Variants in CEP128 observed in about 807,000 individuals in gnomAD.
The protein encoded by CEP128 is centrosomal protein 128.
Under a neutral mutation model 156.7 loss-of-function variants are expected in CEP128, and 132 were observed. The ratio of observed to expected loss-of-function variants is 0.84; its 90% CI spans 0.73 to 0.97. CEP128 has a LOEUF of 0.97. CEP128 is among the 50% of genes least tolerant of loss of function. The pLI, the probability that CEP128 is intolerant of heterozygous loss-of-function variation, is 0.00. For missense variants in CEP128, 1,252 were observed against 1,281.9 expected, an observed-to-expected ratio of 0.98 and a Z score of 0.36; for synonymous variants, 469 against 448.9, an observed-to-expected ratio of 1.04 and a Z score of -0.57.
At chr14:80,890,449 T>A (rs1359746637) in intron 8 of CEP128, among the ~76,000 whole-genome samples, 1 of 152,020 alleles carries the variant, frequency 6.6e-6, no homozygotes, top group African/African-American at 2.4e-5. Flanking sequence ...TCCAGTCATT[T>A]AAAAAAATGA....
intron 19 of CEP128, among the ~76,000 whole-genome samples, chr14:80,725,694 T>C (rs541680744): frequency 2.6e-5 from 4 of 152,280 alleles, no homozygotes; most frequent in East Asian, 1.9e-4. Context: ...TTAGAGAAGA[T>C]TGTAATTCAC....
intron 19 of CEP128, among the ~76,000 whole-genome samples, chr14:80,589,691 G>C (rs1379776640): frequency 1.3e-5 from 2 of 152,072 alleles, no homozygotes; most frequent in East Asian, 1.9e-4. Flanking sequence ...AACCTATAAA[G>C]TTTAGTCATC....
intron 10 of CEP128, among the ~76,000 whole-genome samples, chr14:80,839,025 G>A (rs534906945): frequency 1.3e-5 from 2 of 152,266 alleles, no homozygotes; most frequent in East Asian, 1.9e-4. Context: ...CGTGAACCTG[G>A]GAGGCAGAGC....
intron 19 of CEP128, among the ~76,000 whole-genome samples, chr14:80,600,955 T>C (rs867655163): frequency 2.6e-5 from 4 of 151,914 alleles, no homozygotes; most frequent in South Asian, 4.1e-4. Context: ...TAGAATTTTA[T>C]ACATGAAGAA....
chr14:80,489,832 C>T (rs1381517688), downstream of CEP128, among the ~76,000 whole-genome samples: 2 of 151,578 alleles, frequency 1.3e-5, no homozygotes, highest in Non-Finnish European at 2.9e-5. Context: ...CTTACCACCT[C>T]CTGACCAGGG....
intron 19 of CEP128, among the ~76,000 whole-genome samples, chr14:80,598,475 CAT>C (rs1892436966): frequency 6.6e-6 from 1 of 152,026 alleles, no homozygotes; most frequent in Non-Finnish European, 1.5e-5. Flanking sequence ...TTAAAGGAGA[CAT>C]AAACAAATTA....
chr14:80,806,238 C>T (rs12588767), intron 13 of CEP128, among the ~76,000 whole-genome samples: 3,161 of 152,204 alleles, frequency 0.021, 40 homozygotes, highest in Middle Eastern at 0.062. Flanking sequence ...CTTCATACAA[C>T]CTCTTTGTAC....
intron 21 of CEP128, among the ~76,000 whole-genome samples, chr14:80,544,163 T>C (rs987731575): frequency 6.6e-6 from 1 of 152,218 alleles, no homozygotes; most frequent in African/African-American, 2.4e-5. Flanking sequence ...TTTGGGTTTC[T>C]GAATGAAAAT....
At chr14:80,694,894 T>C (rs187724436) in intron 19 of CEP128, among the ~76,000 whole-genome samples, 84 of 151,310 alleles carry the variant, frequency 5.6e-4, no homozygotes, top group Middle Eastern at 3.4e-3. Context: ...TCTGCACATG[T>C]ATCCCAGAAC....
At chr14:80,911,664 A>T (rs1222250682) in intron 4 of CEP128, among the ~76,000 whole-genome samples, 3 of 152,218 alleles carry the variant, frequency 2.0e-5, no homozygotes. Flanking sequence ...TAACTTTCTT[A>T]CATGTTTTAT....
At position 80,913,187 on chromosome 14, in the gene CEP128, A is replaced by C. The variant is rs8022471; in HGVS notation, c.234+1135T>G. On this transcript the variant is annotated intron_variant, in intron 4 of 24. Coordinates refer to ENST00000555265, the MANE Select transcript of CEP128 (RefSeq NM_152446.5). The stretch of plus-strand genomic sequence containing the variant: ...AATTTTTAAGTGCATATATCCTTTA[A>C]CCCTGCAATTCTACTTCCAGCAATC... Among the ~76,000 whole-genome samples, 1,466 of 151,510 alleles carry C rather than the reference A, an allele frequency of 9.7e-3. 32 individuals are homozygous for C. Among genetic ancestry groups the C allele is most frequent in the African/African-American group, 0.034 (1,397 of 40,802 alleles).
At chr14:80,655,337 C>T (rs912589513) in intron 19 of CEP128, among the ~76,000 whole-genome samples, 1 of 152,296 alleles carries the variant, frequency 6.6e-6, no homozygotes, top group East Asian at 1.9e-4. Flanking sequence ...TATTGTCACA[C>T]CCTATGTACA....
chr14:80,944,507 T>C (rs1390269174), upstream of CEP128, among the ~76,000 whole-genome samples: 1 of 152,092 alleles, frequency 6.6e-6, no homozygotes, highest in African/African-American at 2.4e-5. Context: ...TCCCCAGCCA[T>C]GCAGAACTGT....
intron 19 of CEP128, among the ~76,000 whole-genome samples, chr14:80,584,790 T>C (rs1048793932): frequency 6.6e-6 from 1 of 152,194 alleles, no homozygotes; most frequent in Non-Finnish European, 1.5e-5. Flanking sequence ...TGTTTGTTCT[T>C]ATCAGCATGG....
chr14:80,831,409 G>A (rs1885791578), intron 12 of CEP128, 115 bp from the exon 13 acceptor site: 1 of 1,118,698 alleles, frequency 8.9e-7, no homozygotes, highest in African/African-American at 1.6e-5. Context: ...TCCATTTATT[G>A]ACAGTTACTC....
At chr14:80,598,335 T>C (rs1371012318) in intron 19 of CEP128, among the ~76,000 whole-genome samples, 3 of 152,116 alleles carry the variant, frequency 2.0e-5, no homozygotes, top group Non-Finnish European at 1.5e-5. Context: ...TGTGTAGACA[T>C]CAAAATTTAA....
intron 13 of CEP128, among the ~76,000 whole-genome samples, chr14:80,821,856 CA>C (rs1381692955): frequency 3.9e-5 from 6 of 152,042 alleles, no homozygotes; most frequent in Non-Finnish European, 5.9e-5. Context: ...GCGCAATTTA[CA>C]AAAGAAAGAG....
chr14:80,792,778 C>T lies in CEP128; in HGVS notation c.1542G>A (p.Leu514=), dbSNP rs772881877. The T allele has an allele frequency of 1.2e-6, 2 of 1,613,704 alleles. No individual in the cohort carries two copies. Among genetic ancestry groups the T allele is most frequent in the Non-Finnish European group, 1.7e-6 (2 of 1,179,708 alleles). ...TTTATACCTGATTATTCTTGCCTGT[C>T]AGTTCATCAACAGTTTCAGATTGTT... The part of the protein sequence containing the change: ...LEKQSETVDE[L]TGKNNQILKE... Residue 514 remains leucine (L), a synonymous_variant, in exon 14 of 25, where the codon CTG becomes CTA. Coordinates refer to ENST00000555265, the MANE Select transcript of CEP128 (RefSeq NM_152446.5).
At chr14:80,540,704 G>A (rs1356040240) in intron 21 of CEP128, among the ~76,000 whole-genome samples, 1 of 152,182 alleles carries the variant, frequency 6.6e-6, no homozygotes, top group Non-Finnish European at 1.5e-5. Flanking sequence ...CCCTAACCAG[G>A]AGAAGGTCTT....
Sources: allele counts gnomAD v4.1 joint callset (sites outside exome capture counted in the v4.1 genomes callset), GRCh38; gene constraint gnomAD v4.1.1; transcripts MANE v1.5; gene names NCBI Gene and HGNC (gene_info 2026-07-23, HGNC 2026-07-21).